BRD1: variants seen among roughly 807,000 people sequenced by gnomAD.
The protein encoded by BRD1 is bromodomain-containing protein 1.
A neutral mutation model predicts 107.7 loss-of-function variants in BRD1; 24 were observed. The observed-to-expected ratio is 0.22, with a 90% CI of 0.16 to 0.31. BRD1 has a LOEUF of 0.31. Among genes scored for constraint, BRD1 ranks in the 10% least tolerant of loss-of-function variants. BRD1 has a pLI of 1.00. For missense variants in BRD1, 1,279 were observed against 1,638.6 expected (o/e 0.78, Z 3.79); for synonymous variants, 744 against 686.1 (o/e 1.08, Z -1.32).
In BRD1 at chr22:49,824,772, G is replaced by T. The variant is rs1007452475; in HGVS notation, c.-14-441C>A. 40 of 1,023,176 alleles carry T rather than the reference G, an allele frequency of 3.9e-5. No individual in the cohort carries two copies. The highest frequency in any genetic ancestry group is 5.0e-5 in the Admixed American group (1 of 19,948). 63.4% of individuals were successfully genotyped at this position (1,023,176 alleles called of 1,614,324 possible). A position where few individuals can be genotyped will look rare whatever the true frequency, so the allele number is the denominator to read the frequency against. ...GCACAGAGGCTATGCCCACCAGACAGGCATGCTCAGTGGCTACCTGGTCCT... is the reference window on the plus strand; with the variant it reads ...GCACAGAGGCTATGCCCACCAGACATGCATGCTCAGTGGCTACCTGGTCCT... On this transcript the variant is annotated intron_variant, in intron 1 of 12. Transcript: ENST00000404760. The surrounding 1 kb of genome is among the most constrained non-coding windows in gnomAD (Gnocchi z 5.9).
At chr22:49,810,385 T>C (rs1871678076) in intron 2 of BRD1, among the ~76,000 whole-genome samples, 1 of 152,022 alleles carries the variant, frequency 6.6e-6, no homozygotes, top group African/African-American at 2.4e-5. Flanking sequence ...CATATAAAAA[T>C]AAATAAAACT....
At chr22:49,815,530 A>G (rs2059933366) in intron 2 of BRD1, among the ~76,000 whole-genome samples, 1 of 149,784 alleles carries the variant, frequency 6.7e-6, no homozygotes, top group South Asian at 2.1e-4. Context: ...GCGACACAGC[A>G]AGACTCCATC....
At position 49,797,698 on chromosome 22, in the gene BRD1, C is replaced by T. The variant is rs891503890; in HGVS notation, c.2098+107G>A. ...TGTAAATGATGTATGCGGTTGCATG[C>T]TAGTGGCTCCCGGACCATGCTGATA... On this transcript the variant is annotated intron_variant, in intron 6 of 12. Transcript: ENST00000404760. The T allele has an allele frequency of 6.6e-5, 77 of 1,167,244 alleles. No individual in the cohort carries two copies. In the Middle Eastern group the frequency reaches 1.2e-3, roughly 18 times the overall value. The allele number at this position is 1,167,244 out of a possible 1,614,324, so 72.3% of individuals were successfully genotyped here.
At chr22:49,805,264 C>T (rs1456457864) in intron 2 of BRD1, among the ~76,000 whole-genome samples, 3 of 152,216 alleles carry the variant, frequency 2.0e-5, no homozygotes, top group East Asian at 3.9e-4. Flanking sequence ...GAACCCAACG[C>T]CGCCTCTTCC....
intron 2 of BRD1, among the ~76,000 whole-genome samples, chr22:49,814,457 C>G (rs1449214352): frequency 6.6e-6 from 1 of 152,238 alleles, no homozygotes; most frequent in East Asian, 1.9e-4. Flanking sequence ...CACCACAAAG[C>G]CTGCTGCCCA....
intron 7 of BRD1, among the ~76,000 whole-genome samples, chr22:49,790,339 G>A (rs1463561039): frequency 6.6e-6 from 1 of 152,198 alleles, no homozygotes; most frequent in African/African-American, 2.4e-5. Context: ...CATACAAGAA[G>A]GAAGACTCCT....
At chr22:49,796,096 CTTTT>C (rs60893505) in intron 6 of BRD1, among the ~76,000 whole-genome samples, 2 of 144,502 alleles carry the variant, frequency 1.4e-5, no homozygotes, top group East Asian at 2.0e-4. Flanking sequence ...ATTGTGTTTT[CTTTT>C]TTTTTTTTTT....
At chr22:49,809,548 A>AAAAT (rs376173597) in intron 2 of BRD1, among the ~76,000 whole-genome samples, 32 of 147,888 alleles carry the variant, frequency 2.2e-4, no homozygotes, top group South Asian at 1.3e-3. Flanking sequence ...CTCCAAAAAA[A>AAAAT]ATATATATAT....
At chr22:49,815,325 G>C (rs563485472) in intron 2 of BRD1, among the ~76,000 whole-genome samples, 1 of 152,220 alleles carries the variant, frequency 6.6e-6, no homozygotes, top group East Asian at 1.9e-4. Flanking sequence ...GATTACCTTA[G>C]GTCAGTCAGG....
At position 49,824,234 on chromosome 22, in the gene BRD1, T is replaced by C; in HGVS notation, c.84A>G (p.Arg28=). 6.2e-7 allele frequency: 1 copy of C among 1,613,994 alleles called. No homozygotes were observed. Among genetic ancestry groups the C allele is most frequent in the Non-Finnish European group, 8.5e-7 (1 of 1,180,022 alleles). ...SPCSVKHSPT[R]ETLTYAQAQR... ...GAGCTTGAGCGTAGGTCAGCGTTTC[T>C]CGCGTAGGGGAGTGTTTAACACTGC... The change falls in exon 2 of 13, where the codon CGA becomes CGG. Residue 28 remains arginine, a synonymous_variant. Coordinates refer to ENST00000404760, the MANE Select transcript of BRD1 (RefSeq NM_001304808.3). The surrounding 1 kb of genome is among the most constrained non-coding windows in gnomAD (Gnocchi z 5.9).
chr22:49,792,080 C>T lies in BRD1; in HGVS notation c.2359+1954G>A, dbSNP rs938530934. Among the ~76,000 whole-genome samples the T allele has an allele frequency of 6.6e-6, 1 of 152,070 alleles. No homozygotes were observed. On this transcript the variant is annotated intron_variant, in intron 7 of 12. Coordinates refer to ENST00000404760, the MANE Select transcript of BRD1 (RefSeq NM_001304808.3). The surrounding 1 kb of genome is among the most constrained non-coding windows in gnomAD (Gnocchi z 4.2). Reference sequence around the variant, plus strand: ...GGAGGGCCAAGCAGCTCCAACCATGCGAGGTCCTCAACCATGCGAGGTCCT... The same window carrying T: ...GGAGGGCCAAGCAGCTCCAACCATGTGAGGTCCTCAACCATGCGAGGTCCT...
At position 49,823,636 on chromosome 22, in the gene BRD1, T is replaced by C. The variant is rs1406659831; in HGVS notation, c.682A>G (p.Ser228Gly). 6.2e-7 allele frequency: 1 copy of C among 1,612,502 alleles called. No homozygotes were observed. The highest frequency in any genetic ancestry group is 8.5e-7 in the Non-Finnish European group (1 of 1,179,590). Residue 228 changes from serine (S) to glycine (G), a missense_variant, in exon 2 of 13, where the codon AGC becomes GGC. This residue lies in a region of BRD1 where 158 missense variants were observed against 310.2 expected (regional missense o/e 0.51). Transcript: ENST00000404760. ...ATGTCGCAGAAGAGGATCACGTTGCTGTTCTGACACTCCCCGTCCATGCAG... is the reference window on the plus strand; with the variant it reads ...ATGTCGCAGAAGAGGATCACGTTGCCGTTCTGACACTCCCCGTCCATGCAG... ...CICMDGECQNSNVILFCDMCN... is the reference protein window; with the variant it reads ...CICMDGECQNGNVILFCDMCN...
chr22:49,788,584 A>C (rs1041272915), intron 7 of BRD1, among the ~76,000 whole-genome samples: 1 of 152,222 alleles, frequency 6.6e-6, no homozygotes, highest in Non-Finnish European at 1.5e-5. Context: ...ACATTATAAA[A>C]ACCGGAAGTG....
At chr22:49,804,427 A>G (rs557413041) in intron 2 of BRD1, 67 bp from the exon 3 acceptor site, 1 of 1,506,134 alleles carries the variant, frequency 6.6e-7, no homozygotes, top group Admixed American at 1.9e-5. Context: ...ATAAACTAGA[A>G]ATGACAGTAC....
At chr22:49,822,024 C>T (rs546880102) in intron 2 of BRD1, among the ~76,000 whole-genome samples, 1 of 152,262 alleles carries the variant, frequency 6.6e-6, no homozygotes, top group Non-Finnish European at 1.5e-5. Flanking sequence ...GTCCCGATGC[C>T]GGCAGTCACT....
intron 3 of BRD1, among the ~76,000 whole-genome samples, chr22:49,802,106 CCT>C (rs1273267190): frequency 6.6e-6 from 1 of 152,244 alleles, no homozygotes; most frequent in Non-Finnish European, 1.5e-5. Context: ...CCCAAAAAAG[CCT>C]CTCTTCCATT....
intron 3 of BRD1, among the ~76,000 whole-genome samples, chr22:49,801,292 C>T (rs538738803): frequency 4.8e-4 from 73 of 152,344 alleles, no homozygotes; most frequent in African/African-American, 1.6e-3. Flanking sequence ...CACACCAGAA[C>T]AAAAACCAGG....
At chr22:49,786,754 T>C (rs986462117) in intron 8 of BRD1, among the ~76,000 whole-genome samples, 2 of 152,258 alleles carry the variant, frequency 1.3e-5, no homozygotes, top group Non-Finnish European at 2.9e-5. Flanking sequence ...TATCCAGATG[T>C]GCACAGCAAA....
Position 49,824,464 on chromosome 22 carries a change from C to T in BRD1, c.-14-133G>A. 6.9e-7 allele frequency: 1 copy of T among 1,451,620 alleles called. No individual in the cohort carries two copies. Among genetic ancestry groups the T allele is most frequent in the Non-Finnish European group, 9.0e-7 (1 of 1,109,530 alleles). The allele number at this position is 1,451,620 out of a possible 1,614,324, so 89.9% of individuals were successfully genotyped here. On this transcript the variant is annotated intron_variant, in intron 1 of 12. Coordinates refer to ENST00000404760, the MANE Select transcript of BRD1 (RefSeq NM_001304808.3). This position sits in a 1 kb window ranked among gnomAD's most constrained non-coding sequence, Gnocchi z 5.9. ...TCAAAGCAAAACTCACAGCTAACCTCTTTCCAAGGTGTCCAAAACCACACA... is the reference window on the plus strand; with the variant it reads ...TCAAAGCAAAACTCACAGCTAACCTTTTTCCAAGGTGTCCAAAACCACACA...
Sources: allele counts gnomAD v4.1 joint callset (sites outside exome capture counted in the v4.1 genomes callset), GRCh38; gene constraint gnomAD v4.1.1; regional missense constraint gnomAD v4.1.1; non-coding constraint Gnocchi (gnomAD v3.1); transcripts MANE v1.5; gene names NCBI Gene and HGNC (gene_info 2026-07-23, HGNC 2026-07-21).